DENND1A: variants seen among roughly 807,000 people sequenced by gnomAD.
The protein encoded by DENND1A is DENN domain-containing protein 1A.
DENND1A carries 51 observed loss-of-function variants against 113.7 expected under a neutral mutation model. That is an observed-to-expected ratio of 0.45 (90% CI 0.36 to 0.57). The LOEUF is 0.57. Among genes scored for constraint, DENND1A ranks in the 20% least tolerant of loss-of-function variants. DENND1A has a pLI of 0.00. For missense variants in DENND1A, 1,258 were observed against 1,395.9 expected (o/e 0.90, Z 1.57); for synonymous variants, 565 against 570.8 (o/e 0.99, Z 0.14).
intron 5 of DENND1A, among the ~76,000 whole-genome samples, chr9:123,685,461 G>A (rs1219714512): frequency 6.6e-6 from 1 of 152,152 alleles, no homozygotes; most frequent in African/African-American, 2.4e-5. Context: ...ATATTAATTT[G>A]CATTATGAAG....
At chr9:123,811,830 A>C (rs1836669271) in intron 2 of DENND1A, among the ~76,000 whole-genome samples, 1 of 152,244 alleles carries the variant, frequency 6.6e-6, no homozygotes, top group African/African-American at 2.4e-5. Flanking sequence ...TTTAAAATAA[A>C]GTGATTTAGA....
intron 19 of DENND1A, among the ~76,000 whole-genome samples, chr9:123,423,295 A>C (rs1205890380): frequency 6.6e-6 from 1 of 152,210 alleles, no homozygotes; most frequent in Non-Finnish European, 1.5e-5. Context: ...TTGCAAGCCA[A>C]AGTGAATCTG....
chr9:123,685,926 G>C (rs1291226656), intron 5 of DENND1A, among the ~76,000 whole-genome samples: 1 of 151,764 alleles, frequency 6.6e-6, no homozygotes, highest in Non-Finnish European at 1.5e-5. Context: ...AATGTAATGG[G>C]TTAGTGAGGT....
chr9:123,538,729 A>AC (rs1455827301), intron 13 of DENND1A, among the ~76,000 whole-genome samples: 25 of 141,066 alleles, frequency 1.8e-4, no homozygotes, highest in Admixed American at 1.6e-3. Context: ...GTTGAAATCC[A>AC]CCAGGCAATT....
chr9:123,814,589 C>G (rs1265705722), intron 2 of DENND1A, among the ~76,000 whole-genome samples: 7 of 152,080 alleles, frequency 4.6e-5, no homozygotes, highest in Admixed American at 3.3e-4. Context: ...AATAATAATA[C>G]AAGTATTGTA....
At chr9:123,493,636 T>C (rs190137099) in intron 13 of DENND1A, among the ~76,000 whole-genome samples, 6 of 152,272 alleles carry the variant, frequency 3.9e-5, no homozygotes, top group Admixed American at 3.9e-4. Context: ...TGGTGAAGAA[T>C]CTCTAGTCCC....
intron 13 of DENND1A, among the ~76,000 whole-genome samples, chr9:123,541,690 G>A (rs1421488303): frequency 2.0e-5 from 3 of 152,156 alleles, no homozygotes; most frequent in Non-Finnish European, 4.4e-5. Context: ...ATCCTGCCAC[G>A]CCTCCATGGA....
At position 123,440,506 on chromosome 9, in the gene DENND1A, A is replaced by G; in HGVS notation, c.1357-15T>C. 1 of 1,542,220 alleles carries G rather than the reference A, an allele frequency of 6.5e-7. No individual in the cohort carries two copies. The highest frequency in any genetic ancestry group is 8.6e-7 in the Non-Finnish European group (1 of 1,156,100). On this transcript the variant is annotated splice_polypyrimidine_tract_variant and intron_variant, in intron 18 of 23. Transcript: ENST00000394215. ...TCGGCAATGTCCTGTAGGGAGAAGG[A>G]TAGTCAGCGGTTGGCACTGGGGTTC...
At position 123,695,453 on chromosome 9, in the gene DENND1A, T is replaced by C. The variant is rs561931020; in HGVS notation, c.303-18664A>G. 1.6e-4 allele frequency among the ~76,000 whole-genome samples: 24 copies of C among 152,206 alleles called. No homozygotes were observed. In the South Asian group the frequency reaches 3.7e-3, roughly 24 times the overall value. ...AACACTATTAGAGATAAGAACACTA[T>C]AGATTCTAAAGAATATGATGTCATT... On this transcript the variant is annotated intron_variant, in intron 5 of 23. Coordinates refer to ENST00000394215, the MANE Select transcript of DENND1A (RefSeq NM_001352964.2).
chr9:123,927,693 G>A (rs1025519335), intron 1 of DENND1A, among the ~76,000 whole-genome samples: 2 of 152,172 alleles, frequency 1.3e-5, no homozygotes, highest in Non-Finnish European at 2.9e-5. Flanking sequence ...CTGACTTGCT[G>A]CATCAGAGAT....
chr9:123,618,342 G>T (rs372938854), intron 10 of DENND1A, among the ~76,000 whole-genome samples: 15 of 152,308 alleles, frequency 9.8e-5, no homozygotes, highest in African/African-American at 3.6e-4. Context: ...AGAATGTCCA[G>T]AGTTTTCTAA....
intron 4 of DENND1A, among the ~76,000 whole-genome samples, chr9:123,766,497 C>T (rs1345008432): frequency 6.6e-6 from 1 of 152,200 alleles, no homozygotes; most frequent in Non-Finnish European, 1.5e-5. Context: ...AGTGATGTGG[C>T]AGCATCCAGC....
At chr9:123,676,869 C>T in intron 5 of DENND1A, 80 bp from the exon 6 acceptor site, 4 of 1,349,892 alleles carry the variant, frequency 3.0e-6, no homozygotes, top group Non-Finnish European at 4.2e-6. Context: ...AAGACTGATA[C>T]ATTTCAGTTT....
intron 10 of DENND1A, among the ~76,000 whole-genome samples, chr9:123,626,663 C>T (rs952605285): frequency 3.3e-5 from 5 of 152,128 alleles, no homozygotes; most frequent in Non-Finnish European, 7.4e-5. Flanking sequence ...TAAACAGGGT[C>T]CTTTTGGTCC....
At chr9:123,552,723 C>G (rs1334380913) in intron 13 of DENND1A, among the ~76,000 whole-genome samples, 1 of 152,238 alleles carries the variant, frequency 6.6e-6, no homozygotes, top group Admixed American at 6.5e-5. Context: ...ACCTACTGTT[C>G]TCAGGCCCTG....
At chr9:123,711,523 A>ATATATATATATATG (rs2066628745) in intron 5 of DENND1A, among the ~76,000 whole-genome samples, 1 of 143,466 alleles carries the variant, frequency 7.0e-6, no homozygotes, top group Non-Finnish European at 1.5e-5. Flanking sequence ...GTATATATAT[A>ATATATATATATATG]TATATATATA....
At chr9:123,873,449 T>G (rs1250776177) in intron 2 of DENND1A, among the ~76,000 whole-genome samples, 1 of 152,204 alleles carries the variant, frequency 6.6e-6, no homozygotes, top group African/African-American at 2.4e-5. Flanking sequence ...AGTGTAGACA[T>G]TAAAAGCAAT....
intron 5 of DENND1A, among the ~76,000 whole-genome samples, chr9:123,728,491 A>AAAAAACAAAAAAAAC (rs2067895885): frequency 7.0e-6 from 1 of 142,728 alleles, no homozygotes; most frequent in African/African-American, 2.6e-5. Context: ...AAAAAAAAAA[A>AAAAAACAAAAAAAAC]AAAAAAAAAA....
At chr9:123,818,133 C>T (rs1310578082) in intron 2 of DENND1A, among the ~76,000 whole-genome samples, 2 of 152,134 alleles carry the variant, frequency 1.3e-5, no homozygotes, top group African/African-American at 2.4e-5. Context: ...GACAGAGTCT[C>T]GCTGTCGCCC....
Sources: gnomAD v4.1 joint callset for allele counts (sites outside exome capture counted in the v4.1 genomes callset) on GRCh38, gnomAD v4.1.1 for gene constraint, MANE v1.5 for transcripts, NCBI Gene and HGNC (gene_info 2026-07-23, HGNC 2026-07-21) for gene names.